The following INTS4 variants were observed in gnomAD, a reference collection of about 807,000 sequenced individuals.
INTS4 encodes integrator complex subunit 4.
Under a neutral mutation model 119.5 loss-of-function variants are expected in INTS4, and 70 were observed. The ratio of observed to expected loss-of-function variants is 0.59; its 90% CI spans 0.48 to 0.71. The LOEUF (loss-of-function observed/expected upper bound fraction) is 0.71, where lower values mean the gene tolerates loss of function less well. Ranked by LOEUF, INTS4 falls within the 30% of genes least tolerant of loss-of-function variation. INTS4 has a pLI of 0.00. For missense variants in INTS4, 867 were observed against 1,173.2 expected (o/e 0.74, Z 3.81); for synonymous variants, 316 against 419.6 (o/e 0.75, Z 3.02).
chr11:77,915,314 T>G (rs1953180398), intron 15 of INTS4: 1 of 152,230 alleles, frequency 6.6e-6, no homozygotes, highest in African/African-American at 2.4e-5. Context: ...CCAGAGCTAC[T>G]GGGGGGCCCA....
chr11:77,932,769 G>T (rs1282975560), intron 10 of INTS4, among the ~76,000 whole-genome samples: 2 of 152,044 alleles, frequency 1.3e-5, no homozygotes, highest in African/African-American at 4.8e-5. Flanking sequence ...GGAATACCAC[G>T]CAGCCATAAA....
At chr11:77,985,137 A>G (rs1475696441) in intron 2 of INTS4, among the ~76,000 whole-genome samples, 2 of 152,178 alleles carry the variant, frequency 1.3e-5, no homozygotes, top group African/African-American at 4.8e-5. Context: ...GTCTTGGTTC[A>G]GGCTTTCATC....
chr11:77,894,710 A>G (rs770535690), intron 18 of INTS4, among the ~76,000 whole-genome samples: 2 of 152,202 alleles, frequency 1.3e-5, no homozygotes, highest in East Asian at 3.8e-4. Context: ...CTCAGCTAGT[A>G]TGGTCTCTAT....
intron 6 of INTS4, among the ~76,000 whole-genome samples, chr11:77,959,429 A>C (rs1414984622): frequency 6.6e-6 from 1 of 152,076 alleles, no homozygotes; most frequent in Non-Finnish European, 1.5e-5. Context: ...ATTCTACCTT[A>C]TATCTTAAAT....
chr11:77,989,631 T>C (rs1045394850), intron 2 of INTS4, among the ~76,000 whole-genome samples: 1 of 151,850 alleles, frequency 6.6e-6, no homozygotes, highest in Non-Finnish European at 1.5e-5. Context: ...GGTTCACACC[T>C]GTAATCTCAG....
In INTS4 at chr11:77,879,076, C is replaced by G; in HGVS notation, c.2765G>C (p.Arg922Pro). 1.2e-6 allele frequency: 2 copies of G among 1,614,076 alleles called. No individual in the cohort carries two copies. The highest frequency in any genetic ancestry group is 1.7e-6 in the Non-Finnish European group (2 of 1,179,980). ...CTCCATCCAGGGGCATTTTGGAATG[C>G]GAGCACTGGAGTTGTAGGCCAGCAG... ...RLLLAYNSSA[R>P]IPKCPWMEGG... Residue 922 changes from arginine (R) to proline (P), a missense_variant, in exon 23 of 23, where the codon CGC becomes CCC. Coordinates refer to ENST00000534064, the MANE Select transcript of INTS4 (RefSeq NM_033547.4).
Position 77,953,959 on chromosome 11 carries a change from G to A in INTS4, c.918+1983C>T, listed in dbSNP as rs1436889094. ...TTCCCAAGTAGCTAGGACTAGAGGC[G>A]TGTGCCACCATGCCCAGCTAATTTT... On this transcript the variant is annotated intron_variant, in intron 8 of 22. Coordinates refer to ENST00000534064, the MANE Select transcript of INTS4 (RefSeq NM_033547.4). Among the ~76,000 whole-genome samples, 11 of 151,914 alleles carry A rather than the reference G, an allele frequency of 7.2e-5. No individual in the cohort carries two copies. In the South Asian group the frequency reaches 1.4e-3, roughly 20 times the overall value.
At chr11:77,965,498 C>T (rs1479304238) in intron 4 of INTS4, among the ~76,000 whole-genome samples, 2 of 152,182 alleles carry the variant, frequency 1.3e-5, no homozygotes, top group Admixed American at 1.3e-4. Flanking sequence ...CACTTTACTA[C>T]CACTCCTAGC....
chr11:77,987,411 T>G (rs943240700), intron 2 of INTS4: 3 of 221,904 alleles, frequency 1.4e-5, no homozygotes, highest in African/African-American at 7.1e-5. Flanking sequence ...GAAAGTGCTT[T>G]CAAACTCTAA....
At chr11:77,952,505 T>C (rs549548878) in intron 8 of INTS4, among the ~76,000 whole-genome samples, 291 of 152,346 alleles carry the variant, frequency 1.9e-3, no homozygotes, top group African/African-American at 6.6e-3. Flanking sequence ...TATGTGTGAA[T>C]ATGTGTGTAT....
At chr11:77,983,689 G>A (rs1045523509) in intron 2 of INTS4, among the ~76,000 whole-genome samples, 24 of 152,296 alleles carry the variant, frequency 1.6e-4, no homozygotes, top group South Asian at 6.2e-4. Flanking sequence ...AAGTGTTGGC[G>A]AGGATGTAGA....
At chr11:77,928,992 T>C (rs539717624) in intron 10 of INTS4, among the ~76,000 whole-genome samples, 1 of 147,154 alleles carries the variant, frequency 6.8e-6, no homozygotes. Flanking sequence ...CTACACTCCA[T>C]CCTGGTGACA....
chr11:77,969,797 A>G (rs1044116892), intron 4 of INTS4, among the ~76,000 whole-genome samples: 7 of 150,152 alleles, frequency 4.7e-5, no homozygotes, highest in Non-Finnish European at 1.0e-4. Flanking sequence ...TGTACCCTTT[A>G]GCTATCAACC....
chr11:77,877,032 T>G (rs1951615699), downstream of INTS4: 2 of 702,958 alleles, frequency 2.8e-6, no homozygotes, highest in Admixed American at 2.0e-5. Context: ...TGGCACATCC[T>G]TGAGAGATGC....
intron 10 of INTS4, among the ~76,000 whole-genome samples, chr11:77,935,049 T>G (rs1486376293): frequency 2.0e-5 from 3 of 152,172 alleles, no homozygotes; most frequent in African/African-American, 7.2e-5. Flanking sequence ...TTGCTGATAA[T>G]GAAGAGGCTG....
intron 15 of INTS4, 75 bp from the exon 16 acceptor site, chr11:77,907,885 ATTTTATCATT>A: frequency 1.2e-6 from 1 of 848,064 alleles, no homozygotes; most frequent in Middle Eastern, 2.4e-4. Flanking sequence ...TGTCAAAAGC[ATTTTATCATT>A]TTATACCTAG....
At chr11:77,959,302 C>T (rs1286218904) in intron 6 of INTS4, among the ~76,000 whole-genome samples, 5 of 152,222 alleles carry the variant, frequency 3.3e-5, no homozygotes, top group African/African-American at 1.2e-4. Context: ...ACCCTTAGCT[C>T]TGATTTCTCC....
At chr11:77,933,275 C>T (rs550747346) in intron 10 of INTS4, among the ~76,000 whole-genome samples, 27 of 152,050 alleles carry the variant, frequency 1.8e-4, no homozygotes, top group African/African-American at 5.3e-4. Context: ...ATGCCGAGCC[C>T]GAAGCTGGAC....
intron 21 of INTS4, among the ~76,000 whole-genome samples, chr11:77,887,714 T>G (rs1474095595): frequency 6.6e-6 from 1 of 152,174 alleles, no homozygotes; most frequent in African/African-American, 2.4e-5. Flanking sequence ...GATAAGCAAC[T>G]TCAGCAAAGT....
Sources: allele counts gnomAD v4.1 joint callset (sites outside exome capture counted in the v4.1 genomes callset), GRCh38; gene constraint gnomAD v4.1.1; transcripts MANE v1.5; gene names NCBI Gene and HGNC (gene_info 2026-07-23, HGNC 2026-07-21).